ADARB2: variants seen among roughly 807,000 people sequenced by gnomAD.
The protein encoded by ADARB2 is inactive double-stranded RNA-specific editase B2.
In ADARB2, 25 loss-of-function variants were observed where a neutral mutation model predicts 62.2. The observed-to-expected ratio is 0.40, with a 90% CI of 0.29 to 0.56. The LOEUF (loss-of-function observed/expected upper bound fraction) is 0.56. Among genes scored for constraint, ADARB2 ranks in the 20% least tolerant of loss-of-function variants. The pLI, the probability that ADARB2 is intolerant of heterozygous loss-of-function variation, is 0.43. For synonymous variants in ADARB2, 572 were observed against 500.8 expected (o/e 1.14, Z -1.90); for missense variants, 1,071 against 1,077.4 (o/e 0.99, Z 0.08).
At chr10:1,190,384 T>C (rs1008919947) in intron 8 of ADARB2, among the ~76,000 whole-genome samples, 3 of 152,216 alleles carry the variant, frequency 2.0e-5, no homozygotes, top group African/African-American at 4.8e-5. Context: ...ACCTCCTGCC[T>C]TCGGTGTATG....
intron 3 of ADARB2, among the ~76,000 whole-genome samples, chr10:1,319,245 G>A (rs538232973): frequency 1.5e-4 from 23 of 152,288 alleles, no homozygotes; most frequent in Admixed American, 7.2e-4. Flanking sequence ...TTTCTAGGCC[G>A]ACTGTCACAA....
At chr10:1,384,257 A>G (rs1355208598) in intron 1 of ADARB2, among the ~76,000 whole-genome samples, 1 of 152,218 alleles carries the variant, frequency 6.6e-6, no homozygotes, top group Non-Finnish European at 1.5e-5. Context: ...CGGTCCAAGG[A>G]CCGTGACTCA....
chr10:1,497,792 C>T (rs1190459539), intron 1 of ADARB2, among the ~76,000 whole-genome samples: 3 of 151,988 alleles, frequency 2.0e-5, no homozygotes, highest in Non-Finnish European at 1.5e-5. Context: ...GAGATATCTG[C>T]AGAAGTAACC....
At chr10:1,417,631 C>G (rs757862167) in intron 1 of ADARB2, among the ~76,000 whole-genome samples, 1 of 152,224 alleles carries the variant, frequency 6.6e-6, no homozygotes, top group African/African-American at 2.4e-5. Context: ...TCTGTGCTCT[C>G]TTTTGTCTGG....
chr10:1,463,892 C>T (rs1226616148), intron 1 of ADARB2, among the ~76,000 whole-genome samples: 6 of 152,128 alleles, frequency 3.9e-5, no homozygotes, highest in South Asian at 2.1e-4. Flanking sequence ...GACACTTTGC[C>T]GAAGAAGACA....
intron 1 of ADARB2, among the ~76,000 whole-genome samples, chr10:1,538,110 G>A (rs1832356740): frequency 6.6e-6 from 1 of 152,222 alleles, no homozygotes; most frequent in Non-Finnish European, 1.5e-5. Context: ...AGAGGCCTGG[G>A]GGATCTCCTT....
intron 1 of ADARB2, among the ~76,000 whole-genome samples, chr10:1,576,843 G>C (rs553097725): frequency 7.6e-6 from 1 of 131,110 alleles, no homozygotes. Context: ...CGTCAAGTGC[G>C]ATTCAGTCTG....
intron 3 of ADARB2, among the ~76,000 whole-genome samples, chr10:1,361,981 C>T (rs920723284): frequency 1.3e-5 from 2 of 152,180 alleles, no homozygotes; most frequent in African/African-American, 2.4e-5. Flanking sequence ...TAATTCTGAA[C>T]ATGATAAGAG....
intron 1 of ADARB2, among the ~76,000 whole-genome samples, chr10:1,454,221 C>G (rs535269457): frequency 1.2e-4 from 19 of 152,274 alleles, no homozygotes; most frequent in Non-Finnish European, 1.2e-4. Context: ...GTCATGAGAA[C>G]AGCATGGGAA....
intron 1 of ADARB2, among the ~76,000 whole-genome samples, chr10:1,727,821 T>A (rs1301936845): frequency 6.6e-6 from 1 of 152,216 alleles, no homozygotes; most frequent in African/African-American, 2.4e-5. Flanking sequence ...TTTGCTCATG[T>A]CATTGTGATG....
intron 3 of ADARB2, among the ~76,000 whole-genome samples, chr10:1,356,514 G>T (rs1832197278): frequency 6.6e-6 from 1 of 152,154 alleles, no homozygotes; most frequent in Non-Finnish European, 1.5e-5. Context: ...CAGCTTCAAC[G>T]AGGCTCTGCT....
At chr10:1,233,976 TC>T (rs199758458) in intron 5 of ADARB2, 131 bp from the exon 6 acceptor site, 131,557 of 472,820 alleles carry the variant, frequency 0.28, 14,786 homozygotes, top group African/African-American at 0.37. Flanking sequence ...CTTTTTTTTT[TC>T]CTTTTTTTTT....
chr10:1,400,129 G>T (rs1832649395), intron 1 of ADARB2, among the ~76,000 whole-genome samples: 1 of 152,228 alleles, frequency 6.6e-6, no homozygotes, highest in South Asian at 2.1e-4. Flanking sequence ...CGCTGAGCGT[G>T]GGCAGAGAGG....
intron 1 of ADARB2, among the ~76,000 whole-genome samples, chr10:1,571,869 T>C (rs1032494987): frequency 2.2e-3 from 174 of 78,346 alleles, no homozygotes; most frequent in Non-Finnish European, 3.6e-3. Context: ...TGCAGGTGAG[T>C]GTGCAGGCGA....
intron 1 of ADARB2, among the ~76,000 whole-genome samples, chr10:1,572,300 C>T (rs558636512): frequency 6.9e-6 from 1 of 144,430 alleles, no homozygotes; most frequent in South Asian, 2.3e-4. Context: ...AACAGGTGAG[C>T]TTGCAGGTGC....
chr10:1,410,372 C>G (rs1474380598), intron 1 of ADARB2, among the ~76,000 whole-genome samples: 1 of 152,168 alleles, frequency 6.6e-6, no homozygotes, highest in African/African-American at 2.4e-5. Flanking sequence ...GAAGGATTCT[C>G]CTCGCTGCTG....
intron 1 of ADARB2, among the ~76,000 whole-genome samples, chr10:1,466,153 T>C (rs373098634): frequency 2.4e-4 from 36 of 152,366 alleles, no homozygotes; most frequent in African/African-American, 8.2e-4. Context: ...GCCCTTGTTC[T>C]TACACCAAAG....
chr10:1,300,595 G>A (rs1352852859), intron 3 of ADARB2, among the ~76,000 whole-genome samples: 1 of 152,192 alleles, frequency 6.6e-6, no homozygotes, highest in Admixed American at 6.5e-5. Context: ...CTGAAGACCT[G>A]TTCAAAATGC....
At chr10:1,684,822 A>G (rs569533788) in intron 1 of ADARB2, among the ~76,000 whole-genome samples, 16 of 152,252 alleles carry the variant, frequency 1.1e-4, no homozygotes, top group South Asian at 2.1e-4. Context: ...GAGCAAACCC[A>G]GAAGCTCAGG....
Sources: allele counts gnomAD v4.1 joint callset (sites outside exome capture counted in the v4.1 genomes callset), GRCh38; gene constraint gnomAD v4.1.1; transcripts MANE v1.5; gene names NCBI Gene and HGNC (gene_info 2026-07-23, HGNC 2026-07-21).